Variants in NUP88 observed in about 807,000 individuals in gnomAD.
NUP88 encodes the protein nuclear pore complex protein Nup88.
NUP88 carries 57 observed loss-of-function variants against 93.9 expected under a neutral mutation model. That is an observed-to-expected ratio of 0.61 (90% CI 0.49 to 0.76). NUP88 has a LOEUF of 0.76. Ranked by LOEUF, NUP88 falls within the 30% of genes least tolerant of loss-of-function variation. NUP88 has a pLI of 0.00. For missense variants in NUP88, 911 were observed against 901.0 expected, an observed-to-expected ratio of 1.01 and a Z score of -0.14; for synonymous variants, 346 against 336.8, an observed-to-expected ratio of 1.03 and a Z score of -0.30.
intron 8 of NUP88, 88 bp from the exon 9 acceptor site, chr17:5,395,069 G>A (rs1912687547): frequency 1.2e-6 from 1 of 823,184 alleles, no homozygotes; most frequent in East Asian, 2.5e-5. Flanking sequence ...AATGCAGTGA[G>A]GTTCTTGTCT....
intron 1 of NUP88, chr17:5,418,125 C>T (rs1037995495): frequency 7.6e-6 from 1 of 131,264 alleles, no homozygotes; most frequent in African/African-American, 2.9e-5. Context: ...GCCTGGGCAA[C>T]AAGAGCGAAA....
At chr17:5,417,687 A>G (rs936659233) in intron 1 of NUP88, among the ~76,000 whole-genome samples, 1 of 151,984 alleles carries the variant, frequency 6.6e-6, no homozygotes, top group African/African-American at 2.4e-5. Flanking sequence ...AAAAATACAA[A>G]AAGTAGCCGG....
intron 8 of NUP88, among the ~76,000 whole-genome samples, chr17:5,399,210 T>C (rs1006438397): frequency 7.8e-6 from 1 of 127,402 alleles, no homozygotes; most frequent in African/African-American, 2.9e-5. Flanking sequence ...TTTTTTTTTT[T>C]AAAGCAAATT....
intron 8 of NUP88, among the ~76,000 whole-genome samples, chr17:5,398,313 G>C (rs540760349): frequency 6.6e-6 from 1 of 151,848 alleles, no homozygotes; most frequent in Non-Finnish European, 1.5e-5. Flanking sequence ...GTTTTGAGAC[G>C]GAGTCTTGCT....
chr17:5,404,854 C>G (rs1284844341), intron 6 of NUP88, among the ~76,000 whole-genome samples: 1 of 152,160 alleles, frequency 6.6e-6, no homozygotes. Context: ...GACTGGTGGA[C>G]CAAGTAAGTT....
At position 5,414,172 on chromosome 17, in the gene NUP88, C is replaced by A. The variant is rs1806263; in HGVS notation, c.468-38G>T. ...TAATAATTTTCCAAAACATTTTGTA[C>A]AACTTGGATGAAAATCTTCTAAAGG... On this transcript the variant is annotated intron_variant, in intron 2 of 16. Coordinates refer to ENST00000573584, the MANE Select transcript of NUP88 (RefSeq NM_002532.6). 0.32 allele frequency: 510,272 copies of A among 1,585,922 alleles called. 86,219 individuals are homozygous for A. The highest frequency in any genetic ancestry group is 0.62 in the East Asian group (27,168 of 43,984).
chr17:5,398,881 GCA>G (rs1163439018), intron 8 of NUP88, among the ~76,000 whole-genome samples: 15 of 138,918 alleles, frequency 1.1e-4, no homozygotes, highest in African/African-American at 2.6e-4. Context: ...ATGAGCCACT[GCA>G]CCCAGCCTTT....
intron 9 of NUP88, among the ~76,000 whole-genome samples, chr17:5,393,759 TAC>T (rs1912598279): frequency 1.3e-5 from 2 of 152,224 alleles, no homozygotes; most frequent in African/African-American, 2.4e-5. Context: ...TTCAAGCTGG[TAC>T]AGTTTGCTAT....
At position 5,385,750 on chromosome 17, in the gene NUP88, C is replaced by T; in HGVS notation, c.*456G>A. 4.3e-6 allele frequency: 1 copy of T among 232,000 alleles called. No individual in the cohort carries two copies. The highest frequency in any genetic ancestry group is 8.5e-6 in the Non-Finnish European group (1 of 117,512). The allele number at this position is 232,000 out of a possible 1,614,324, so 14.4% of individuals were successfully genotyped here. On this transcript the variant is annotated 3_prime_UTR_variant, in exon 17 of 17. Coordinates refer to ENST00000573584, the MANE Select transcript of NUP88 (RefSeq NM_002532.6). ...GATTTCAGGTGTAACCATTTGTTAACTGTACTGAAGGTGTGTCCTCAAGAA... is the reference window on the plus strand; with the variant it reads ...GATTTCAGGTGTAACCATTTGTTAATTGTACTGAAGGTGTGTCCTCAAGAA...
At chr17:5,388,747 T>C (rs778073056) in intron 11 of NUP88, 55 bp downstream of exon 11, 1 of 1,491,322 alleles carries the variant, frequency 6.7e-7, no homozygotes. Flanking sequence ...TGCACAGTAA[T>C]TCTGAAGACA....
intron 1 of NUP88, among the ~76,000 whole-genome samples, chr17:5,417,598 G>C: frequency 6.6e-6 from 1 of 152,242 alleles, no homozygotes; most frequent in East Asian, 1.9e-4. Context: ...CAGCACTTTG[G>C]GAGGCCAAGA....
In NUP88 at chr17:5,386,129, TA is replaced by T; in HGVS notation, c.*76del. The T allele has an allele frequency of 9.3e-7, 1 of 1,079,096 alleles. No homozygotes were observed. The highest frequency in any genetic ancestry group is 1.4e-6 in the Non-Finnish European group (1 of 734,894). The allele number at this position is 1,079,096 out of a possible 1,614,324, so 66.8% of individuals were successfully genotyped here. A position where few individuals can be genotyped will look rare whatever the true frequency, so the allele number is the denominator to read the frequency against. On this transcript the variant is annotated 3_prime_UTR_variant, in exon 17 of 17. Coordinates refer to ENST00000573584, the MANE Select transcript of NUP88 (RefSeq NM_002532.6). ...TCAAAACACCTTTTTATAAATTAGA[TA>T]ATTCTACCTGTTTTACAATATGGGT...
At position 5,387,081 on chromosome 17, in the gene NUP88, G is replaced by C. The variant is rs770869902; in HGVS notation, c.1946C>G (p.Ser649Cys). The part of the protein sequence containing the change: ...RMKKLLHSFH[S>C]ELPVLSDSER... ...ACTATCAGAGAGAACTGGGAGCTCA[G>C]AGTGAAAACTGTGAAGTAGTTTTTT... Residue 649 changes from serine (S) to cysteine (C), a missense_variant, in exon 15 of 17, where the codon TCT (serine) becomes TGT (cysteine). Coordinates refer to ENST00000573584, the MANE Select transcript of NUP88 (RefSeq NM_002532.6). 2.5e-6 allele frequency: 4 copies of C among 1,614,038 alleles called. No individual in the cohort carries two copies. Among genetic ancestry groups the C allele is most frequent in the Middle Eastern group, 3.3e-4 (2 of 6,062 alleles).
intron 7 of NUP88, among the ~76,000 whole-genome samples, chr17:5,403,700 G>C (rs938954183): frequency 4.6e-5 from 7 of 152,018 alleles, no homozygotes; most frequent in Non-Finnish European, 8.8e-5. Flanking sequence ...TTGGTCTGTC[G>C]ATGGACACAG....
chr17:5,396,872 C>T (rs1406815060), intron 8 of NUP88, among the ~76,000 whole-genome samples: 1 of 152,030 alleles, frequency 6.6e-6, no homozygotes, highest in Non-Finnish European at 1.5e-5. Flanking sequence ...ATCTTATTTC[C>T]ATAATGACTA....
Position 5,385,458 on chromosome 17 carries a change from C to T in NUP88, c.*748G>A, listed in dbSNP as rs1806221. The stretch of plus-strand genomic sequence containing the variant: ...TTAATTGACAGTCACTCAGCCATTT[C>T]TAAGCAGATATAGTAGTACCTTTCA... On this transcript the variant is annotated 3_prime_UTR_variant, in exon 17 of 17. Transcript: ENST00000573584. The T allele has an allele frequency of 1.3e-5, 3 of 230,240 alleles. No homozygotes were observed. The highest frequency in any genetic ancestry group is 6.6e-5 in the African/African-American group (3 of 45,128). The allele number at this position is 230,240 out of a possible 1,614,324, so 14.3% of individuals were successfully genotyped here.
intron 5 of NUP88, among the ~76,000 whole-genome samples, chr17:5,406,604 A>ATGGTGAAGTAGGCAGG (rs79251778): frequency 0.43 from 65,510 of 151,500 alleles, 14,954 homozygotes; most frequent in East Asian, 0.84. Context: ...AGCCAGGCAG[A>ATGGTGAAGTAGGCAGG]TGGTGAAGTA....
chr17:5,406,093 G>A (rs775064727), intron 5 of NUP88, among the ~76,000 whole-genome samples: 4 of 152,182 alleles, frequency 2.6e-5, no homozygotes, highest in Non-Finnish European at 5.9e-5. Flanking sequence ...TGATGGTTTA[G>A]TTGATGAGGC....
At position 5,399,566 on chromosome 17, in the gene NUP88, T is replaced by C. The variant is rs760799857; in HGVS notation, c.1277A>G (p.Lys426Arg). 13 of 1,591,946 alleles carry C rather than the reference T, an allele frequency of 8.2e-6. No individual in the cohort carries two copies. In the Admixed American group the frequency reaches 1.4e-4, roughly 17 times the overall value. The change falls in exon 8 of 17, where the codon AAA (lysine) becomes AGA (arginine). Residue 426 changes from lysine (K) to arginine (R), a missense_variant. Coordinates refer to ENST00000573584, the MANE Select transcript of NUP88 (RefSeq NM_002532.6). ...AGTAAACTCACCTGATCCAAGAAAT[T>C]TGTGAAGTTTATGAATCCAAGTTAG... is the stretch of plus-strand genomic sequence containing the variant. The part of the protein sequence containing the change: ...VGLTWIHKLH[K>R]FLGSDEEDKD...
Sources: gnomAD v4.1 joint callset for allele counts (sites outside exome capture counted in the v4.1 genomes callset) on GRCh38, gnomAD v4.1.1 for gene constraint, MANE v1.5 for transcripts, NCBI Gene and HGNC (gene_info 2026-07-23, HGNC 2026-07-21) for gene names.